PIGU: variants seen among roughly 807,000 people sequenced by gnomAD.
The protein encoded by PIGU is GPI-anchor transamidase component PIGU.
In PIGU, 24 loss-of-function variants were observed where a neutral mutation model predicts 49.9. That is an observed-to-expected ratio of 0.48 (90% CI 0.35 to 0.68). The LOEUF (loss-of-function observed/expected upper bound fraction) is 0.68. Among genes scored for constraint, PIGU ranks in the 30% least tolerant of loss-of-function variants. The pLI is 0.01. For synonymous variants in PIGU, 220 were observed against 205.7 expected (o/e 1.07, Z -0.59); for missense variants, 490 against 532.6 (o/e 0.92, Z 0.79).
chr20:34,628,969 T>C (rs1011498924), intron 6 of PIGU, among the ~76,000 whole-genome samples: 1 of 152,046 alleles, frequency 6.6e-6, no homozygotes, highest in African/African-American at 2.4e-5. Flanking sequence ...CGTGCCTTCC[T>C]GTTGTGAACA....
At chr20:34,662,187 C>A (rs1986948376) in intron 1 of PIGU, among the ~76,000 whole-genome samples, 1 of 152,120 alleles carries the variant, frequency 6.6e-6, no homozygotes, top group African/African-American at 2.4e-5. Flanking sequence ...ATCCTCCCAC[C>A]TCAGCCTCTC....
At chr20:34,639,489 C>T (rs1250412485) in intron 4 of PIGU, among the ~76,000 whole-genome samples, 1 of 151,860 alleles carries the variant, frequency 6.6e-6, no homozygotes. Context: ...CCACTAGATT[C>T]AGAACAGTGG....
chr20:34,619,758 T>G (rs1985138616), intron 6 of PIGU, among the ~76,000 whole-genome samples: 1 of 152,184 alleles, frequency 6.6e-6, no homozygotes, highest in Non-Finnish European at 1.5e-5. Flanking sequence ...CCAAATGGAC[T>G]TGTGAGTTTT....
chr20:34,600,384 G>A (rs1316371849), intron 7 of PIGU, among the ~76,000 whole-genome samples: 1 of 151,544 alleles, frequency 6.6e-6, no homozygotes, highest in East Asian at 1.9e-4. Flanking sequence ...TCCAGCCTGG[G>A]CGACAGAGAA....
chr20:34,608,912 T>G (rs1756192452), intron 7 of PIGU, among the ~76,000 whole-genome samples: 1 of 152,172 alleles, frequency 6.6e-6, no homozygotes, highest in Non-Finnish European at 1.5e-5. Flanking sequence ...CTAGCTTCTC[T>G]CCTTGGAGCC....
intron 1 of PIGU, 91 bp from the exon 2 acceptor site, chr20:34,657,335 C>A: frequency 2.3e-6 from 2 of 887,866 alleles, no homozygotes; most frequent in Non-Finnish European, 3.7e-6. Flanking sequence ...AGGGCCTTAG[C>A]GTTTATCTAA....
intron 11 of PIGU, among the ~76,000 whole-genome samples, chr20:34,573,758 AAG>A (rs988200656): frequency 1.3e-5 from 2 of 152,276 alleles, no homozygotes; most frequent in African/African-American, 4.8e-5. Flanking sequence ...GGTCAGAAGT[AAG>A]AGAGGCTGCG....
At chr20:34,674,310 G>A (rs1419009385) in intron 1 of PIGU, among the ~76,000 whole-genome samples, 2 of 148,862 alleles carry the variant, frequency 1.3e-5, no homozygotes, top group African/African-American at 2.5e-5. Flanking sequence ...AGCCGAGATC[G>A]CGCCATTGCA....
At chr20:34,640,506 C>A (rs1186774054) in intron 4 of PIGU, among the ~76,000 whole-genome samples, 1 of 100,166 alleles carries the variant, frequency 1.0e-5, no homozygotes, top group Non-Finnish European at 2.4e-5. Context: ...CGCGCACACA[C>A]ACACACACAC....
intron 6 of PIGU, among the ~76,000 whole-genome samples, chr20:34,629,383 T>C (rs1444228294): frequency 6.6e-6 from 1 of 152,216 alleles, no homozygotes; most frequent in Non-Finnish European, 1.5e-5. Context: ...ACTTAAAAAG[T>C]GCATGCCTGA....
At chr20:34,612,987 A>T (rs1231727029) in intron 7 of PIGU, among the ~76,000 whole-genome samples, 8 of 152,164 alleles carry the variant, frequency 5.3e-5, no homozygotes, top group African/African-American at 1.9e-4. Flanking sequence ...TTTATAAAAA[A>T]TATACAAATA....
intron 6 of PIGU, among the ~76,000 whole-genome samples, chr20:34,621,402 T>C (rs1985220186): frequency 6.6e-6 from 1 of 152,116 alleles, no homozygotes; most frequent in Non-Finnish European, 1.5e-5. Context: ...TGAGGGTTTG[T>C]TGTGGCAGAG....
At chr20:34,652,530 T>C (rs1300215132) in intron 2 of PIGU, among the ~76,000 whole-genome samples, 3 of 152,248 alleles carry the variant, frequency 2.0e-5, no homozygotes. Context: ...TATCTTTTCC[T>C]AGTTTCTTAA....
intron 7 of PIGU, among the ~76,000 whole-genome samples, chr20:34,615,439 A>G (rs545398017): frequency 2.0e-5 from 3 of 152,370 alleles, no homozygotes; most frequent in Admixed American, 2.0e-4. Flanking sequence ...TGAGAAAAGA[A>G]AACTGCAAGA....
intron 6 of PIGU, among the ~76,000 whole-genome samples, chr20:34,617,350 G>C (rs1985052809): frequency 6.6e-6 from 1 of 152,200 alleles, no homozygotes; most frequent in African/African-American, 2.4e-5. Context: ...ACCCTGCAAA[G>C]CCACAAGGGT....
At chr20:34,649,739 T>G (rs1264377364) in intron 2 of PIGU, among the ~76,000 whole-genome samples, 1 of 152,128 alleles carries the variant, frequency 6.6e-6, no homozygotes. Context: ...TTCACCATGT[T>G]GGCTAGGCTG....
intron 2 of PIGU, among the ~76,000 whole-genome samples, chr20:34,648,212 A>G (rs1986418032): frequency 7.0e-6 from 1 of 143,588 alleles, no homozygotes; most frequent in Non-Finnish European, 1.5e-5. Flanking sequence ...TGTTTGTACC[A>G]CCGCACTCCA....
chr20:34,585,859 C>A, intron 8 of PIGU, among the ~76,000 whole-genome samples: 1 of 152,330 alleles, frequency 6.6e-6, no homozygotes, highest in Middle Eastern at 3.4e-3. Flanking sequence ...AGACTCACCC[C>A]TGTTTTACTG....
chr20:34,636,186 G>A (rs940710607), intron 5 of PIGU, among the ~76,000 whole-genome samples: 1 of 151,924 alleles, frequency 6.6e-6, no homozygotes, highest in South Asian at 2.1e-4. Flanking sequence ...GGGTGACAGA[G>A]TGAGACTCCA....
Sources: allele counts gnomAD v4.1 joint callset (sites outside exome capture counted in the v4.1 genomes callset), GRCh38; gene constraint gnomAD v4.1.1; transcripts MANE v1.5; gene names NCBI Gene and HGNC (gene_info 2026-07-23, HGNC 2026-07-21).